The following KMT2E variants were observed in gnomAD, a reference collection of about 807,000 sequenced individuals.
KMT2E encodes the protein histone reader KMT2E.
A neutral mutation model predicts 184.6 loss-of-function variants in KMT2E; 30 were observed. That is an observed-to-expected ratio of 0.16 (90% CI 0.12 to 0.22). The LOEUF is 0.22. Ranked by LOEUF, KMT2E falls within the 10% of genes least tolerant of loss-of-function variation. KMT2E has a pLI of 1.00. For missense variants in KMT2E, 2,023 were observed against 2,237.4 expected, an observed-to-expected ratio of 0.90 and a Z score of 1.93; for synonymous variants, 815 against 776.5, an observed-to-expected ratio of 1.05 and a Z score of -0.82.
Position 105,040,984 on chromosome 7 carries a change from C to A in KMT2E, c.32C>A (p.Thr11Lys), listed in dbSNP as rs1435711015. ...ATAGTGATCCCATTGGGGGTTGATA[C>A]AGCAGAGACGTCATACTTGGAAATG... is the stretch of plus-strand genomic sequence containing the variant. MSIVIPLGVD[T>K]AETSYLEMAA... Residue 11 changes from threonine to lysine, a missense_variant, in exon 3 of 27, where the codon ACA becomes AAA. Physicochemically the swap from Thr to Lys is moderately conservative, Grantham distance 78. Coordinates refer to ENST00000311117, the MANE Select transcript of KMT2E (RefSeq NM_182931.3). 3.1e-6 allele frequency: 5 copies of A among 1,602,124 alleles called. No homozygotes were observed. Among genetic ancestry groups the A allele is most frequent in the African/African-American group, 1.4e-5 (1 of 70,542 alleles).
At chr7:105,016,027 C>T (rs1794703889) in intron 1 of KMT2E, among the ~76,000 whole-genome samples, 1 of 152,104 alleles carries the variant, frequency 6.6e-6, no homozygotes, top group Admixed American at 6.5e-5. Context: ...ATCCAACCAT[C>T]TTTTATTCAA....
intron 1 of KMT2E, among the ~76,000 whole-genome samples, chr7:105,029,355 C>T (rs769783973): frequency 4.6e-5 from 7 of 152,130 alleles, no homozygotes; most frequent in Non-Finnish European, 7.4e-5. Flanking sequence ...AGAGCAGTAT[C>T]TAGAACATAG....
At position 105,081,301 on chromosome 7, in the gene KMT2E, G is replaced by A. The variant is rs376048014; in HGVS notation, c.1249-387G>A. 4.1e-4 allele frequency among the ~76,000 whole-genome samples: 62 copies of A among 151,786 alleles called. 1 individual carries two copies. The East Asian group carries it at 4.7e-3, about 11-fold the overall frequency. On this transcript the variant is annotated intron_variant, in intron 12 of 26. Transcript: ENST00000311117. The stretch of plus-strand genomic sequence containing the variant: ...CGGGAGGCTGAGGCAGGAGAATGGC[G>A]TGAACCTGGGAGGCGGAGCTTGCAG...
At chr7:105,048,890 A>G (rs754073169) in intron 3 of KMT2E, among the ~76,000 whole-genome samples, 2 of 152,212 alleles carry the variant, frequency 1.3e-5, no homozygotes, top group Non-Finnish European at 2.9e-5. Flanking sequence ...TCTTGATAAT[A>G]TACTGTTTCC....
intron 1 of KMT2E, among the ~76,000 whole-genome samples, chr7:105,032,929 C>T (rs1361050040): frequency 6.6e-6 from 1 of 152,194 alleles, no homozygotes; most frequent in Non-Finnish European, 1.5e-5. Context: ...ACAAGTTTTT[C>T]CTATCAGATT....
At position 105,063,854 on chromosome 7, in the gene KMT2E, G is replaced by A. The variant is rs1225078402; in HGVS notation, c.416+274G>A. The A allele has an allele frequency of 1.4e-5, 7 of 487,890 alleles. No homozygotes were observed. The East Asian group carries it at 1.7e-4, about 12-fold the overall frequency. 30.2% of individuals were successfully genotyped at this position (487,890 alleles called of 1,614,324 possible). A position where few individuals can be genotyped will look rare whatever the true frequency, so the allele number is the denominator to read the frequency against. On this transcript the variant is annotated intron_variant, in intron 5 of 26. Transcript: ENST00000311117. ...TTCACTTAGTTCAATAGTAGTACAA[G>A]TACATAAACATAGCAGTAGACAAGA...
In KMT2E at chr7:105,107,230, GTTAAC is replaced by G; in HGVS notation, c.2904+13_2904+17del. The G allele has an allele frequency of 6.4e-7, 1 of 1,553,952 alleles. No individual in the cohort carries two copies. On this transcript the variant is annotated intron_variant, in intron 21 of 26. Transcript: ENST00000311117. The stretch of plus-strand genomic sequence containing the variant: ...CGCACTTATAGTCAAGAGGTAAGAA[GTTAAC>G]TTAAAAAGGGTGAATTGGTAGTTTT...
intron 17 of KMT2E, chr7:105,103,427 A>G (rs1798743923): frequency 6.6e-6 from 1 of 152,212 alleles, no homozygotes; most frequent in African/African-American, 2.4e-5. Context: ...TCTGTGCCAG[A>G]TACTGTTCTA....
intron 2 of KMT2E, chr7:105,038,436 C>CA (rs1317366814): frequency 6.6e-6 from 1 of 151,954 alleles, no homozygotes; most frequent in Non-Finnish European, 1.5e-5. Flanking sequence ...GATCGCAGCT[C>CA]ACTGCAGCCT....
chr7:105,105,556 A>G lies in KMT2E; in HGVS notation c.2314A>G (p.Asn772Asp). ...TDPEVLATQL[N>D]SLPGLTYSPH... is the part of the protein sequence containing the mutation. The stretch of plus-strand genomic sequence containing the variant: ...TCCTGAAGTGTTAGCTACACAACTC[A>G]ATTCTTTACCAGGTCTCACTTACAG... Residue 772 changes from asparagine (N) to aspartate (D), a missense_variant, in exon 18 of 27, where the codon AAT becomes GAT. Asn to Asp is a conservative substitution (Grantham distance 23, BLOSUM62 1). Around this residue, in one of 8 missense-constraint regions of KMT2E, gnomAD observed 514 missense variants for 621.8 expected, o/e 0.83. Transcript: ENST00000311117. 6.2e-7 allele frequency: 1 copy of G among 1,614,040 alleles called. No individual in the cohort carries two copies. Among genetic ancestry groups the G allele is most frequent in the Non-Finnish European group, 8.5e-7 (1 of 1,179,974 alleles).
chr7:105,031,160 C>A (rs1014759198), intron 1 of KMT2E, among the ~76,000 whole-genome samples: 1 of 151,164 alleles, frequency 6.6e-6, no homozygotes, highest in Non-Finnish European at 1.5e-5. Flanking sequence ...AGATCGAAAA[C>A]AGCCTGGCCA....
At chr7:105,064,022 T>G (rs1196785678) in intron 5 of KMT2E, 2 of 455,544 alleles carry the variant, frequency 4.4e-6, no homozygotes, top group Non-Finnish European at 8.8e-6. Flanking sequence ...GACTTGAACC[T>G]TGCAGCACTC....
At chr7:105,054,510 A>G (rs74694121) in intron 3 of KMT2E, among the ~76,000 whole-genome samples, 4,542 of 108,494 alleles carry the variant, frequency 0.042, 85 homozygotes, top group Middle Eastern at 0.062. Flanking sequence ...CTATCTATCT[A>G]TCTATCTGTC....
In KMT2E at chr7:105,111,910, G is replaced by C. The variant is rs376885579; in HGVS notation, c.4154G>C (p.Ser1385Thr). ...KPDPQWDSTV[S>T]ASEAENGVHL... Reference sequence around the variant, plus strand: ...GATCCCCAATGGGACTCCACAGTTAGTGCATCCGAAGCTGAAAATGGTGTT... The same window carrying C: ...GATCCCCAATGGGACTCCACAGTTACTGCATCCGAAGCTGAAAATGGTGTT... The change falls in exon 27 of 27, where the codon AGT (serine) becomes ACT (threonine). Residue 1385 changes from serine to threonine, a missense_variant. Physicochemically the swap from Ser to Thr is moderately conservative, Grantham distance 58. Coordinates refer to ENST00000311117, the MANE Select transcript of KMT2E (RefSeq NM_182931.3). The C allele has an allele frequency of 6.8e-6, 11 of 1,614,030 alleles. No homozygotes were observed. Among genetic ancestry groups the C allele is most frequent in the Non-Finnish European group, 9.3e-6 (11 of 1,180,038 alleles).
Position 105,105,435 on chromosome 7 carries a change from C to G in KMT2E, c.2197-4C>G. 1 of 1,566,954 alleles carries G rather than the reference C, an allele frequency of 6.4e-7. No homozygotes were observed. The highest frequency in any genetic ancestry group is 8.6e-7 in the Non-Finnish European group (1 of 1,162,424). The stretch of plus-strand genomic sequence containing the variant: ...TAATGATCCAATTTTTTTCTTTTCT[C>G]TAGCACTTGGTTAATGAATGGTTAA... On this transcript the variant is annotated splice_polypyrimidine_tract_variant and splice_region_variant and intron_variant, in intron 17 of 26. Coordinates refer to ENST00000311117, the MANE Select transcript of KMT2E (RefSeq NM_182931.3).
At chr7:105,044,269 G>A (rs1035442184) in intron 3 of KMT2E, among the ~76,000 whole-genome samples, 1 of 152,010 alleles carries the variant, frequency 6.6e-6, no homozygotes, top group Non-Finnish European at 1.5e-5. Context: ...AACATAGGCT[G>A]TTTGCTTCAT....
Position 105,090,258 on chromosome 7 carries a change from A to G in KMT2E, c.1608A>G (p.Ser536=). ...GAAAGCTTTCTCCACTGAGACTATC[A>G]GTATCAAATAATCAGGTACTGAACT... is the stretch of plus-strand genomic sequence containing the variant. ...KQRKLSPLRL[S]VSNNQEPDFI... is the part of the protein sequence containing the mutation. Residue 536 remains serine (S), a synonymous_variant, in exon 14 of 27, where the codon TCA becomes TCG. Coordinates refer to ENST00000311117, the MANE Select transcript of KMT2E (RefSeq NM_182931.3). The G allele has an allele frequency of 6.3e-7, 1 of 1,591,996 alleles. No homozygotes were observed. The highest frequency in any genetic ancestry group is 8.5e-7 in the Non-Finnish European group (1 of 1,174,054).
chr7:105,081,315 C>G (rs368164326), intron 12 of KMT2E, among the ~76,000 whole-genome samples: 3 of 151,080 alleles, frequency 2.0e-5, no homozygotes, highest in Non-Finnish European at 4.4e-5. Context: ...ACCTGGGAGG[C>G]GGAGCTTGCA....
chr7:105,110,942 G>A (rs1799220152), intron 26 of KMT2E, 74 bp downstream of exon 26: 3 of 1,025,268 alleles, frequency 2.9e-6, no homozygotes, highest in African/African-American at 1.6e-5. Context: ...GTTATAATAT[G>A]CAGTGTTTTT....
Sources: gnomAD v4.1 joint callset for allele counts (sites outside exome capture counted in the v4.1 genomes callset) on GRCh38, gnomAD v4.1.1 for gene constraint, gnomAD v4.1.1 regional missense constraint, MANE v1.5 for transcripts, NCBI Gene and HGNC (gene_info 2026-07-23, HGNC 2026-07-21) for gene names.